INTS6: variants seen among roughly 807,000 people sequenced by gnomAD.
INTS6 encodes the protein integrator complex subunit 6, also known as DEAD box protein.
INTS6 carries 16 observed loss-of-function variants against 104.9 expected under a neutral mutation model. That is an observed-to-expected ratio of 0.15 (90% CI 0.10 to 0.23). The LOEUF (loss-of-function observed/expected upper bound fraction) is 0.23, where lower values mean the gene tolerates loss of function less well. Ranked by LOEUF, INTS6 falls within the 10% of genes least tolerant of loss-of-function variation. INTS6 has a pLI of 1.00. For missense variants in INTS6, 584 were observed against 1,062.8 expected (o/e 0.55, Z 6.26); for synonymous variants, 324 against 358.7 (o/e 0.90, Z 1.09).
intron 3 of INTS6, chr13:51,445,163 A>G (rs1179573063): frequency 6.6e-6 from 1 of 152,166 alleles, no homozygotes; most frequent in African/African-American, 2.4e-5. Flanking sequence ...TTTTCACATA[A>G]GTATTCTTGC....
downstream of INTS6, among the ~76,000 whole-genome samples, chr13:51,360,671 AAATT>A (rs1292265947): frequency 6.6e-6 from 1 of 152,086 alleles, no homozygotes; most frequent in East Asian, 1.9e-4. Flanking sequence ...CCCATGAGGC[AAATT>A]AATTGCATAA....
chr13:51,381,423 G>C (rs926564546), intron 10 of INTS6, among the ~76,000 whole-genome samples: 1 of 152,090 alleles, frequency 6.6e-6, no homozygotes, highest in Non-Finnish European at 1.5e-5. Flanking sequence ...CCTCATCTAT[G>C]TAACAGAACC....
chr13:51,358,519 C>T (rs1304846977), downstream of INTS6, among the ~76,000 whole-genome samples: 2 of 152,124 alleles, frequency 1.3e-5, no homozygotes, highest in Non-Finnish European at 2.9e-5. Context: ...TATGGTTCTA[C>T]AAACACCAAT....
At chr13:51,388,172 A>G (rs1421441246) in intron 6 of INTS6, among the ~76,000 whole-genome samples, 1 of 152,022 alleles carries the variant, frequency 6.6e-6, no homozygotes, top group Non-Finnish European at 1.5e-5. Context: ...TAACAATTAA[A>G]ATTTTTTTAA....
At chr13:51,441,247 A>G (rs559600516) in intron 3 of INTS6, 4 of 152,312 alleles carry the variant, frequency 2.6e-5, no homozygotes, top group African/African-American at 9.6e-5. Context: ...AAAAAGCAAG[A>G]TTAAAAAAAC....
intron 16 of INTS6, among the ~76,000 whole-genome samples, chr13:51,368,253 A>G (rs1230969120): frequency 6.6e-6 from 1 of 152,096 alleles, no homozygotes; most frequent in Non-Finnish European, 1.5e-5. Flanking sequence ...AACAGCTAAC[A>G]TGGGGGTAAC....
intron 7 of INTS6, chr13:51,384,422 G>A: frequency 7.1e-6 from 2 of 281,250 alleles, no homozygotes; most frequent in South Asian, 6.7e-5. Context: ...AACAAAATGA[G>A]CTATGAGGAA....
At chr13:51,379,434 A>T in intron 11 of INTS6, 28 bp downstream of exon 11, 2 of 1,369,948 alleles carry the variant, frequency 1.5e-6, no homozygotes, top group Non-Finnish European at 2.0e-6. Context: ...CAAAATACTT[A>T]ATGGCTCACT....
At chr13:51,403,212 C>T (rs1956471870) in intron 4 of INTS6, among the ~76,000 whole-genome samples, 1 of 152,088 alleles carries the variant, frequency 6.6e-6, no homozygotes, top group African/African-American at 2.4e-5. Context: ...ACAGATGTCT[C>T]CTAGCATACA....
At chr13:51,384,773 T>C (rs554007930) in intron 7 of INTS6, 3 of 444,766 alleles carry the variant, frequency 6.7e-6, no homozygotes, top group South Asian at 4.8e-5. Context: ...AGGTAGTCAT[T>C]ACTAGTTGCT....
chr13:51,380,746 T>A (rs1397533264), intron 10 of INTS6, among the ~76,000 whole-genome samples: 1 of 152,214 alleles, frequency 6.6e-6, no homozygotes, highest in East Asian at 1.9e-4. Context: ...AAGTTATCTT[T>A]CACAAACTAA....
At chr13:51,348,212 G>A in the INTS6 span, 6 of 1,580,840 alleles carry the variant, frequency 3.8e-6, no homozygotes, top group Non-Finnish European at 5.2e-6. Context: ...TGTACCCTCA[G>A]GTCAGTTCCA....
At chr13:51,409,147 A>C (rs927043885) in intron 4 of INTS6, among the ~76,000 whole-genome samples, 1 of 151,866 alleles carries the variant, frequency 6.6e-6, no homozygotes, top group African/African-American at 2.4e-5. Flanking sequence ...TGACCTTTTT[A>C]GCACCATGAG....
At position 51,383,628 on chromosome 13, in the gene INTS6, T is replaced by C. The variant is rs986863215; in HGVS notation, c.1008A>G (p.Gln336=). 5.0e-6 allele frequency: 8 copies of C among 1,613,924 alleles called. No individual in the cohort carries two copies. In the African/African-American group the frequency reaches 5.3e-5, roughly 11 times the overall value. Residue 336 remains glutamine, a synonymous_variant, in exon 8 of 18, where the codon CAA becomes CAG. Transcript: ENST00000311234. ...KYELEPSPLT[Q]FILERKSPQT... ...GAGGAGATTTCCTTTCCAGGATAAA[T>C]TGAGTCAGTGGTGAAGGTTCCAACT...
intron 3 of INTS6, among the ~76,000 whole-genome samples, chr13:51,434,277 C>T (rs1463543977): frequency 3.3e-5 from 5 of 152,100 alleles, no homozygotes; most frequent in Non-Finnish European, 7.4e-5. Context: ...TCCCCCAACA[C>T]ACACTGAAAC....
At chr13:51,403,613 A>G (rs1040629249) in intron 4 of INTS6, among the ~76,000 whole-genome samples, 2 of 151,268 alleles carry the variant, frequency 1.3e-5, no homozygotes, top group Non-Finnish European at 2.9e-5. Context: ...AAGAAAAAAA[A>G]AAAAAGAAAA....
intron 11 of INTS6, among the ~76,000 whole-genome samples, chr13:51,379,025 ATTTATT>A (rs1351559302): frequency 1.3e-5 from 2 of 152,008 alleles, no homozygotes; most frequent in Non-Finnish European, 2.9e-5. Flanking sequence ...CTACTATAGT[ATTTATT>A]AATGTGACTT....
intron 2 of INTS6, chr13:51,451,633 C>A: frequency 6.4e-6 from 1 of 156,940 alleles, no homozygotes; most frequent in South Asian, 1.8e-4. Context: ...GCCCGGCTGT[C>A]ACTCCGGCTA....
chr13:51,382,903 C>A (rs920106882), intron 9 of INTS6, among the ~76,000 whole-genome samples: 2 of 151,846 alleles, frequency 1.3e-5, no homozygotes, highest in Non-Finnish European at 2.9e-5. Context: ...ATGGTGAAAC[C>A]CTGTCTCTAC....
Sources: allele counts gnomAD v4.1 joint callset (sites outside exome capture counted in the v4.1 genomes callset), GRCh38; gene constraint gnomAD v4.1.1; transcripts MANE v1.5; gene names NCBI Gene and HGNC (gene_info 2026-07-23, HGNC 2026-07-21).